The following PHC2 variants were observed in gnomAD, a reference collection of about 807,000 sequenced individuals.
The protein encoded by PHC2 is polyhomeotic-like protein 2.
A neutral mutation model predicts 87.4 loss-of-function variants in PHC2; 29 were observed. That is an observed-to-expected ratio of 0.33 (90% CI 0.25 to 0.45). The LOEUF (loss-of-function observed/expected upper bound fraction) is 0.45, where lower values mean the gene tolerates loss of function less well. Among genes scored for constraint, PHC2 ranks in the 20% least tolerant of loss-of-function variants. The probability of loss-of-function intolerance (pLI) is 1.00; values close to 1 mark genes in which losing one functional copy is unlikely to be tolerated. For synonymous variants in PHC2, 438 were observed against 461.7 expected (o/e 0.95, Z 0.66); for missense variants, 857 against 1,136.7 (o/e 0.75, Z 3.54).
intron 1 of PHC2, among the ~76,000 whole-genome samples, chr1:33,422,576 G>C (rs566372186): frequency 8.1e-4 from 124 of 152,266 alleles, no homozygotes; most frequent in South Asian, 1.9e-3. Flanking sequence ...TATACAATGG[G>C]CCTGACCTAG....
At chr1:33,400,818 G>C (rs1269316906) in intron 1 of PHC2, among the ~76,000 whole-genome samples, 1 of 152,148 alleles carries the variant, frequency 6.6e-6, no homozygotes, top group African/African-American at 2.4e-5. Flanking sequence ...AGATCTCTGA[G>C]ATATATTATT....
intron 9 of PHC2, among the ~76,000 whole-genome samples, chr1:33,335,998 T>TGTTGTTGTTG (rs35270760): frequency 0.29 from 43,263 of 147,666 alleles, 6,820 homozygotes; most frequent in African/African-American, 0.43. Flanking sequence ...TTGTTGTTGT[T>TGTTGTTGTTG]TTTTTTTTTA....
chr1:33,378,208 G>C (rs756978280), intron 1 of PHC2, among the ~76,000 whole-genome samples: 5 of 152,180 alleles, frequency 3.3e-5, no homozygotes, highest in African/African-American at 4.8e-5. Context: ...TCTTGGCGCT[G>C]TCAAAATCCA....
chr1:33,350,036 C>A (rs1390833113), intron 9 of PHC2: 10 of 205,494 alleles, frequency 4.9e-5, no homozygotes, highest in Non-Finnish European at 7.7e-5. Flanking sequence ...CCCCGCCTCG[C>A]GCCCTCCGGA....
Position 33,349,845 on chromosome 1 carries a change from TGCGCGC to T in PHC2, c.1558+4550_1558+4555del. ...CGGGAGCGCGGGCGGCGGCCGGGGT[TGCGCGC>T]GCGCGCGCGGCGGGCGCTCGAGGGC... On this transcript the variant is annotated intron_variant, in intron 9 of 14. Transcript: ENST00000683057. This position sits in a 1 kb window ranked among gnomAD's most constrained non-coding sequence, Gnocchi z 4.2. The T allele has an allele frequency of 1.0e-6, 1 of 964,578 alleles. No homozygotes were observed. The highest frequency in any genetic ancestry group is 1.2e-6 in the Non-Finnish European group (1 of 816,054). The allele number at this position is 964,578 out of a possible 1,614,324, so 59.8% of individuals were successfully genotyped here. A position where few individuals can be genotyped will look rare whatever the true frequency, so the allele number is the denominator to read the frequency against.
intron 7 of PHC2, among the ~76,000 whole-genome samples, chr1:33,365,918 GTCC>G (rs1647424182): frequency 6.6e-6 from 1 of 152,214 alleles, no homozygotes. Flanking sequence ...CATGTGCCAT[GTCC>G]TCTGAAGGAC....
intron 1 of PHC2, among the ~76,000 whole-genome samples, chr1:33,407,619 T>C (rs931987109): frequency 6.6e-6 from 1 of 152,172 alleles, no homozygotes; most frequent in Admixed American, 6.5e-5. Flanking sequence ...TTTCTTACCC[T>C]GGGCAGGCTC....
At chr1:33,412,870 C>A (rs952503002) in intron 1 of PHC2, among the ~76,000 whole-genome samples, 5 of 152,144 alleles carry the variant, frequency 3.3e-5, no homozygotes, top group African/African-American at 1.2e-4. Context: ...TAGTCACAAG[C>A]CAAAGTAAAG....
intron 1 of PHC2, among the ~76,000 whole-genome samples, chr1:33,390,700 T>C (rs56304951): frequency 0.23 from 32,501 of 140,450 alleles, 6,052 homozygotes; most frequent in African/African-American, 0.53. Context: ...TTTTTTTTTT[T>C]TCTCTGTAAA....
At chr1:33,407,870 A>G (rs374991700) in intron 1 of PHC2, among the ~76,000 whole-genome samples, 1 of 152,230 alleles carries the variant, frequency 6.6e-6, no homozygotes, top group Non-Finnish European at 1.5e-5. Context: ...GAAGTTAAAA[A>G]CAATGAAGTA....
chr1:33,401,647 G>A (rs1649537387), intron 1 of PHC2, among the ~76,000 whole-genome samples: 1 of 152,194 alleles, frequency 6.6e-6, no homozygotes, highest in Non-Finnish European at 1.5e-5. Context: ...GGAGTGGGAA[G>A]AGCTAGTTGC....
chr1:33,409,721 G>A (rs1442590295), intron 1 of PHC2, among the ~76,000 whole-genome samples: 1 of 152,076 alleles, frequency 6.6e-6, no homozygotes, highest in Non-Finnish European at 1.5e-5. Context: ...TCCATACATA[G>A]GTTTTTAGCC....
At chr1:33,402,507 T>C (rs1183877419) in intron 1 of PHC2, among the ~76,000 whole-genome samples, 4 of 152,194 alleles carry the variant, frequency 2.6e-5, no homozygotes, top group Admixed American at 1.3e-4. Context: ...CACGGTGGAA[T>C]TGCTTTTTAA....
chr1:33,406,940 C>T (rs1490738429), intron 1 of PHC2, among the ~76,000 whole-genome samples: 5 of 152,174 alleles, frequency 3.3e-5, no homozygotes, highest in Non-Finnish European at 5.9e-5. Context: ...ACCTGCATGT[C>T]TCTTACCCTA....
chr1:33,412,411 C>T (rs1260395142), intron 1 of PHC2, among the ~76,000 whole-genome samples: 3 of 152,256 alleles, frequency 2.0e-5, no homozygotes, highest in East Asian at 3.9e-4. Context: ...CACGTGCGTG[C>T]GCGTGCATTC....
chr1:33,375,282 C>T, intron 2 of PHC2, 84 bp downstream of exon 2: 4 of 1,157,202 alleles, frequency 3.5e-6, no homozygotes, highest in Non-Finnish European at 4.8e-6. Context: ...TCTAGATTAT[C>T]CCACCAGACC....
chr1:33,331,447 C>T lies in PHC2; in HGVS notation c.1907G>A (p.Gly636Asp), dbSNP rs775592218. 3.1e-6 allele frequency: 5 copies of T among 1,603,878 alleles called. No individual in the cohort carries two copies. Among genetic ancestry groups the T allele is most frequent in the South Asian group, 1.1e-5 (1 of 90,826 alleles). Reference sequence around the variant, plus strand: ...CTCACACTTGAGTTTGAGGGGAGCACCCTCCTCTTTGGATTCTGAAAAGTA... The same window carrying T: ...CTCACACTTGAGTTTGAGGGGAGCATCCTCCTCTTTGGATTCTGAAAAGTA... Reference protein sequence around the residue: ...EPYLQESKEEGAPLKLKCELC... With the variant: ...EPYLQESKEEDAPLKLKCELC... The change falls in exon 12 of 15, where the codon GGT becomes GAT. Residue 636 changes from glycine to aspartate, a missense_variant. Around this residue, in one of 3 missense-constraint regions of PHC2, gnomAD observed 832 missense variants for 1,081.8 expected, o/e 0.77. Transcript: ENST00000683057. The surrounding 1 kb of genome is among the most constrained non-coding windows in gnomAD (Gnocchi z 5.2).
chr1:33,407,374 A>T (rs7514303), intron 1 of PHC2, among the ~76,000 whole-genome samples: 77,061 of 152,068 alleles, frequency 0.51, 20,234 homozygotes, highest in South Asian at 0.62. Flanking sequence ...ATAAATGTCC[A>T]AAGATAATGG....
chr1:33,337,715 C>T (rs1459265464), intron 9 of PHC2, among the ~76,000 whole-genome samples: 1 of 152,178 alleles, frequency 6.6e-6, no homozygotes, highest in African/African-American at 2.4e-5. Context: ...GGACAAAGCC[C>T]TTCTGTTCTT....
Sources: allele counts gnomAD v4.1 joint callset (sites outside exome capture counted in the v4.1 genomes callset), GRCh38; gene constraint gnomAD v4.1.1; regional missense constraint gnomAD v4.1.1; non-coding constraint Gnocchi (gnomAD v3.1); transcripts MANE v1.5; gene names NCBI Gene and HGNC (gene_info 2026-07-23, HGNC 2026-07-21).